The following GFRA1 variants were observed in gnomAD, a reference collection of about 807,000 sequenced individuals.
GFRA1 encodes GDNF family receptor alpha 1, also known as GDNF family receptor alpha-1.
GFRA1 carries 16 observed loss-of-function variants against 51.6 expected under a neutral mutation model. The ratio of observed to expected loss-of-function variants is 0.31; its 90% CI spans 0.21 to 0.47. The LOEUF is 0.47. GFRA1 is among the 20% of genes least tolerant of loss of function. The pLI is 1.00. For missense variants in GFRA1, 530 were observed against 594.3 expected, an observed-to-expected ratio of 0.89 and a Z score of 1.13; for synonymous variants, 270 against 241.3, an observed-to-expected ratio of 1.12 and a Z score of -1.10.
At chr10:116,138,306 T>TTACATTTTCAGTA (rs1214682266) in intron 5 of GFRA1, among the ~76,000 whole-genome samples, 5 of 152,182 alleles carry the variant, frequency 3.3e-5, no homozygotes, top group African/African-American at 1.2e-4. Flanking sequence ...AATGTGTATT[T>TTACATTTTCAGTA]TTACACAACT....
At chr10:116,242,034 T>C (rs961582012) in intron 4 of GFRA1, among the ~76,000 whole-genome samples, 2 of 152,202 alleles carry the variant, frequency 1.3e-5, no homozygotes, top group African/African-American at 4.8e-5. Context: ...ACTCAGGCAG[T>C]TACCCAGATG....
intron 6 of GFRA1, among the ~76,000 whole-genome samples, chr10:116,111,281 A>G (rs2133967586): frequency 6.6e-6 from 1 of 152,320 alleles, no homozygotes; most frequent in East Asian, 1.9e-4. Flanking sequence ...CAGACTGTCT[A>G]CTTCTTCATG....
At position 116,272,133 on chromosome 10, in the gene GFRA1, T is replaced by C; in HGVS notation, c.-104A>G. ...TGCAGCGATCCCCGGACAGCTGTGC[T>C]GCTCTGGCCGCCCAAAGTTCAGCTC... On this transcript the variant is annotated 5_prime_UTR_variant, in exon 2 of 11. Transcript: ENST00000355422. The surrounding 1 kb of genome is among the most constrained non-coding windows in gnomAD (Gnocchi z 4.4). 4.9e-6 allele frequency: 5 copies of C among 1,014,266 alleles called. No homozygotes were observed. In the East Asian group the frequency reaches 1.3e-4, roughly 26 times the overall value. The allele number at this position is 1,014,266 out of a possible 1,614,324, so 62.8% of individuals were successfully genotyped here.
At chr10:116,173,690 G>A (rs1455729113) in intron 5 of GFRA1, among the ~76,000 whole-genome samples, 5 of 152,132 alleles carry the variant, frequency 3.3e-5, no homozygotes, top group Non-Finnish European at 7.3e-5. Flanking sequence ...AAACAGAACA[G>A]AACCGCTGCC....
rs748920560 is a variant in GFRA1, at chr10:116,096,673, C to A, written c.862G>T (p.Ala288Ser). The change falls in exon 7 of 11, where the codon GCC becomes TCC. Residue 288 changes from alanine to serine, a missense_variant. Coordinates refer to ENST00000355422, the MANE Select transcript of GFRA1 (RefSeq NM_005264.8). The part of the protein sequence containing the change: ...LKENYADCLL[A>S]YSGLIGTVMT... ...ATCTTACCAATAAGCCCCGAGTAGG[C>A]GAGGAGGCAGTCAGCGTAGTTTTCC... 1 of 1,596,678 alleles carries A rather than the reference C, an allele frequency of 6.3e-7. No individual in the cohort carries two copies. Among genetic ancestry groups the A allele is most frequent in the Non-Finnish European group, 8.6e-7 (1 of 1,164,608 alleles).
At chr10:116,238,128 C>A (rs184279251) in intron 4 of GFRA1, among the ~76,000 whole-genome samples, 1 of 152,250 alleles carries the variant, frequency 6.6e-6, no homozygotes, top group East Asian at 1.9e-4. Context: ...AAATTTAACA[C>A]CGGAATTATA....
At position 116,272,130 on chromosome 10, in the gene GFRA1, T is replaced by C. The variant is rs982978791; in HGVS notation, c.-101A>G. 89 of 1,047,836 alleles carry C rather than the reference T, an allele frequency of 8.5e-5. No individual in the cohort carries two copies. Among genetic ancestry groups the C allele is most frequent in the Admixed American group, 3.6e-4 (18 of 50,334 alleles). The allele number at this position is 1,047,836 out of a possible 1,614,324, so 64.9% of individuals were successfully genotyped here. On this transcript the variant is annotated 5_prime_UTR_variant, in exon 2 of 11. Transcript: ENST00000355422. This position sits in a 1 kb window ranked among gnomAD's most constrained non-coding sequence, Gnocchi z 4.4. Reference sequence around the variant, plus strand: ...GCGTGCAGCGATCCCCGGACAGCTGTGCTGCTCTGGCCGCCCAAAGTTCAG... The same window carrying C: ...GCGTGCAGCGATCCCCGGACAGCTGCGCTGCTCTGGCCGCCCAAAGTTCAG...
intron 5 of GFRA1, among the ~76,000 whole-genome samples, chr10:116,143,166 G>A (rs1207942697): frequency 6.6e-6 from 1 of 152,038 alleles, no homozygotes; most frequent in African/African-American, 2.4e-5. Flanking sequence ...CCAGTTGTAC[G>A]GTTCATATAC....
At chr10:116,082,030 A>G (rs1955874085) in intron 9 of GFRA1, among the ~76,000 whole-genome samples, 1 of 152,224 alleles carries the variant, frequency 6.6e-6, no homozygotes, top group Non-Finnish European at 1.5e-5. Context: ...AAAGACTGCA[A>G]AGTCCTGGGA....
Position 116,096,641 on chromosome 10 carries a change from C to T in GFRA1, c.880+14G>A, listed in dbSNP as rs1296733710. On this transcript the variant is annotated intron_variant, in intron 7 of 10. Coordinates refer to ENST00000355422, the MANE Select transcript of GFRA1 (RefSeq NM_005264.8). ...ACCACACTCTTCTCCCATCCTGCTT[C>T]TCTCGGATCTTACCAATAAGCCCCG... The T allele has an allele frequency of 7.0e-7, 1 of 1,423,040 alleles. No individual in the cohort carries two copies. Among genetic ancestry groups the T allele is most frequent in the African/African-American group, 1.4e-5 (1 of 71,312 alleles). The allele number at this position is 1,423,040 out of a possible 1,614,324, so 88.2% of individuals were successfully genotyped here.
chr10:116,253,484 T>C (rs574024195), intron 4 of GFRA1, among the ~76,000 whole-genome samples: 1 of 152,268 alleles, frequency 6.6e-6, no homozygotes, highest in East Asian at 1.9e-4. Flanking sequence ...GGTGCATGCC[T>C]GTAGTCCCAG....
At chr10:116,097,304 C>T (rs563601555) in intron 6 of GFRA1, among the ~76,000 whole-genome samples, 16 of 152,160 alleles carry the variant, frequency 1.1e-4, no homozygotes, top group Non-Finnish European at 2.1e-4. Flanking sequence ...GTGATTTATT[C>T]CAGCCGAGTG....
chr10:116,244,922 C>A (rs192276821), intron 4 of GFRA1, among the ~76,000 whole-genome samples: 47 of 152,216 alleles, frequency 3.1e-4, no homozygotes, highest in African/African-American at 1.1e-3. Flanking sequence ...CCAGTGAAAT[C>A]AGTAAACATA....
At chr10:116,205,115 G>T (rs1964627929) in intron 5 of GFRA1, among the ~76,000 whole-genome samples, 1 of 152,042 alleles carries the variant, frequency 6.6e-6, no homozygotes, top group African/African-American at 2.4e-5. Flanking sequence ...AATCTTATGG[G>T]ACCACCATCA....
chr10:116,174,844 C>T (rs546029979), intron 5 of GFRA1, among the ~76,000 whole-genome samples: 1 of 152,246 alleles, frequency 6.6e-6, no homozygotes, highest in East Asian at 1.9e-4. Flanking sequence ...TCTCTCTCAA[C>T]GTTGAAAGCA....
At chr10:116,066,877 T>A (rs1955139908) in intron 9 of GFRA1, among the ~76,000 whole-genome samples, 1 of 152,220 alleles carries the variant, frequency 6.6e-6, no homozygotes. Flanking sequence ...CAGCTCTGTG[T>A]GGATGGCACT....
intron 6 of GFRA1, among the ~76,000 whole-genome samples, chr10:116,097,546 C>G (rs558999238): frequency 6.6e-6 from 1 of 152,300 alleles, no homozygotes; most frequent in South Asian, 2.1e-4. Flanking sequence ...CGCAGACACG[C>G]TGGTCTGCGG....
At chr10:116,104,035 A>C (rs1004073553) in intron 6 of GFRA1, among the ~76,000 whole-genome samples, 2 of 152,146 alleles carry the variant, frequency 1.3e-5, no homozygotes, top group African/African-American at 4.8e-5. Flanking sequence ...CTGAGTGTGG[A>C]GACGCAAAGG....
Position 116,220,345 on chromosome 10 carries a change from T to C in GFRA1, c.419-8700A>G, listed in dbSNP as rs560547854. Among the ~76,000 whole-genome samples, 54 of 152,330 alleles carry C rather than the reference T, an allele frequency of 3.5e-4. 1 individual carries two copies. The South Asian group carries it at 3.7e-3, about 11-fold the overall frequency. ...ATGCTTTTTCATCTCCATTTCCAAG[T>C]CAAATGATACATTTTATCACACATG... On this transcript the variant is annotated intron_variant, in intron 4 of 10. Coordinates refer to ENST00000355422, the MANE Select transcript of GFRA1 (RefSeq NM_005264.8).
Sources: gnomAD v4.1 joint callset for allele counts (sites outside exome capture counted in the v4.1 genomes callset) on GRCh38, gnomAD v4.1.1 for gene constraint, Gnocchi (gnomAD v3.1) non-coding constraint, MANE v1.5 for transcripts, NCBI Gene and HGNC (gene_info 2026-07-23, HGNC 2026-07-21) for gene names.